Variants in SZT2 observed in about 807,000 individuals in gnomAD.
SZT2 encodes the protein KICSTOR complex protein SZT2.
Under a neutral mutation model 404.2 loss-of-function variants are expected in SZT2, and 216 were observed. That is an observed-to-expected ratio of 0.53 (90% CI 0.48 to 0.60). SZT2 has a LOEUF of 0.60. SZT2 is among the 20% of genes least tolerant of loss of function. SZT2 has a pLI of 0.00. For synonymous variants in SZT2, 1,693 were observed against 1,749.9 expected, an observed-to-expected ratio of 0.97 and a Z score of 0.81; for missense variants, 3,857 against 4,459.2, an observed-to-expected ratio of 0.86 and a Z score of 3.85.
chr1:43,437,978 C>G lies in SZT2; in HGVS notation c.6508+76C>G. The stretch of plus-strand genomic sequence containing the variant: ...CTCTGGGACTTCTCTTAGAACCTTG[C>G]AAGCATTACACTAGAAGTTATGTAA... On this transcript the variant is annotated intron_variant, in intron 46 of 71. Coordinates refer to ENST00000634258, the MANE Select transcript of SZT2 (RefSeq NM_001365999.1). This position sits in a 1 kb window ranked among gnomAD's most constrained non-coding sequence, Gnocchi z 5.3. 1 of 1,410,438 alleles carries G rather than the reference C, an allele frequency of 7.1e-7. No homozygotes were observed. Among genetic ancestry groups the G allele is most frequent in the East Asian group, 2.3e-5 (1 of 43,768 alleles). 87.4% of individuals were successfully genotyped at this position (1,410,438 alleles called of 1,614,324 possible).
At chr1:43,415,903 A>G (rs960843833) in intron 5 of SZT2, 57 bp from the exon 6 acceptor site, 86 of 1,543,386 alleles carry the variant, frequency 5.6e-5, no homozygotes, top group Non-Finnish European at 7.3e-5. Context: ...TGGCTTTGCT[A>G]TGGATGGGGC....
rs750592975 is a variant in SZT2, at chr1:43,421,318, A to G, written c.1626+15A>G. 6 of 1,597,534 alleles carry G rather than the reference A, an allele frequency of 3.8e-6. No individual in the cohort carries two copies. In the Admixed American group the frequency reaches 8.3e-5, roughly 22 times the overall value. ...CCACCACCCCGGTGAGTAGCTCTGA[A>G]GTATAGTAGCCCCATTTCATGTCAA... On this transcript the variant is annotated intron_variant, in intron 11 of 71. Coordinates refer to ENST00000634258, the MANE Select transcript of SZT2 (RefSeq NM_001365999.1).
At chr1:43,429,011 T>G in intron 28 of SZT2, 1 of 161,242 alleles carries the variant, frequency 6.2e-6, no homozygotes, top group Non-Finnish European at 1.4e-5. Flanking sequence ...AGGATGGATA[T>G]GCTGATGACT....
intron 1 of SZT2, among the ~76,000 whole-genome samples, chr1:43,402,828 T>A (rs1250737708): frequency 2.0e-5 from 3 of 152,184 alleles, no homozygotes; most frequent in Non-Finnish European, 4.4e-5. Context: ...TGGTATTTGC[T>A]CTGTTTGTAG....
chr1:43,434,022 T>C (rs1481953807), intron 40 of SZT2, among the ~76,000 whole-genome samples: 1 of 152,106 alleles, frequency 6.6e-6, no homozygotes, highest in Non-Finnish European at 1.5e-5. Flanking sequence ...CTCGGGTGGG[T>C]GGCATATGCA....
intron 4 of SZT2, among the ~76,000 whole-genome samples, chr1:43,408,603 G>T (rs1650626279): frequency 6.6e-6 from 1 of 151,988 alleles, no homozygotes; most frequent in South Asian, 2.1e-4. Flanking sequence ...CATATAGTAT[G>T]GGCATTCTTG....
In SZT2 at chr1:43,450,023, C is replaced by G; in HGVS notation, c.10087-80C>G. 1 of 1,561,814 alleles carries G rather than the reference C, an allele frequency of 6.4e-7. No homozygotes were observed. Among genetic ancestry groups the G allele is most frequent in the East Asian group, 2.2e-5 (1 of 44,586 alleles). On this transcript the variant is annotated intron_variant, in intron 70 of 71. Transcript: ENST00000634258. This position sits in a 1 kb window ranked among gnomAD's most constrained non-coding sequence, Gnocchi z 4.3. Reference sequence around the variant, plus strand: ...GAGGTGTGGAGATGGAAGTAGGCCTCTCCTCATCCTCCCTTCACCTCAGGA... The same window carrying G: ...GAGGTGTGGAGATGGAAGTAGGCCTGTCCTCATCCTCCCTTCACCTCAGGA...
chr1:43,451,294 A>G lies in SZT2; in HGVS notation c.*814A>G, dbSNP rs1469457611. 6.2e-7 allele frequency: 1 copy of G among 1,613,980 alleles called. No individual in the cohort carries two copies. Among genetic ancestry groups the G allele is most frequent in the East Asian group, 2.2e-5 (1 of 44,868 alleles). Reference sequence around the variant, plus strand: ...TCCCAGTATGAACGTAGCCAACTCAAGCCCTCTACTGTGTCTCCTGCAGGG... The same window carrying G: ...TCCCAGTATGAACGTAGCCAACTCAGGCCCTCTACTGTGTCTCCTGCAGGG... On this transcript the variant is annotated 3_prime_UTR_variant, in exon 72 of 72. Transcript: ENST00000634258.
Position 43,441,661 on chromosome 1 carries a change from C to T in SZT2, c.7610-25C>T, listed in dbSNP as rs1553153686. 6.2e-7 allele frequency: 1 copy of T among 1,614,082 alleles called. No homozygotes were observed. Among genetic ancestry groups the T allele is most frequent in the South Asian group, 1.1e-5 (1 of 91,084 alleles). On this transcript the variant is annotated intron_variant, in intron 54 of 71. Coordinates refer to ENST00000634258, the MANE Select transcript of SZT2 (RefSeq NM_001365999.1). The surrounding 1 kb of genome is among the most constrained non-coding windows in gnomAD (Gnocchi z 4.8). ...CCAGCCTGGTCTCCATCCTGCAGCT[C>T]CACAGTGACTCCTCTGCCTCCTAGG...
At position 43,454,072 on chromosome 1, in the gene SZT2, A is replaced by C. The variant is rs1050413237; in HGVS notation, c.*3592A>C. 8.0e-6 allele frequency: 9 copies of C among 1,118,198 alleles called. No homozygotes were observed. The African/African-American group carries it at 1.5e-4, about 18-fold the overall frequency. 69.3% of individuals were successfully genotyped at this position (1,118,198 alleles called of 1,614,324 possible). A position where few individuals can be genotyped will look rare whatever the true frequency, so the allele number is the denominator to read the frequency against. ...GGAGAAGGTAGGGAGGCCGAGCTCCAGGGCCTGAGAGCCGGACGCGAAGCA... is the reference window on the plus strand; with the variant it reads ...GGAGAAGGTAGGGAGGCCGAGCTCCCGGGCCTGAGAGCCGGACGCGAAGCA... On this transcript the variant is annotated 3_prime_UTR_variant, in exon 72 of 72. Coordinates refer to ENST00000634258, the MANE Select transcript of SZT2 (RefSeq NM_001365999.1).
intron 46 of SZT2, chr1:43,438,332 T>C (rs1478232188): frequency 8.8e-6 from 3 of 340,342 alleles, no homozygotes; most frequent in Non-Finnish European, 1.7e-5. Flanking sequence ...TTGCCCCAGG[T>C]GTCCAGTAGG....
chr1:43,409,574 C>G (rs1650760215), intron 4 of SZT2: 1 of 257,080 alleles, frequency 3.9e-6, no homozygotes, highest in Non-Finnish European at 7.9e-6. Context: ...AGTAAAGTTG[C>G]AAGATACAAA....
At chr1:43,402,892 C>A (rs1394754668) in intron 1 of SZT2, among the ~76,000 whole-genome samples, 3 of 152,154 alleles carry the variant, frequency 2.0e-5, no homozygotes, top group Non-Finnish European at 4.4e-5. Flanking sequence ...CCCCTGCCCT[C>A]AAAAGCTTAT....
Position 43,452,036 on chromosome 1 carries a change from G to A in SZT2, c.*1556G>A. On this transcript the variant is annotated 3_prime_UTR_variant, in exon 72 of 72. Transcript: ENST00000634258. Reference sequence around the variant, plus strand: ...CTCCTAGCAGCATGTCGGGTGCTGTGAATAGAGCTCCTTCCCAAGTTTGTC... The same window carrying A: ...CTCCTAGCAGCATGTCGGGTGCTGTAAATAGAGCTCCTTCCCAAGTTTGTC... The A allele has an allele frequency of 1.9e-6, 3 of 1,590,806 alleles. No individual in the cohort carries two copies. The highest frequency in any genetic ancestry group is 1.1e-5 in the South Asian group (1 of 87,840).
rs1403838406 is a variant in SZT2 at position 43,433,090 on chromosome 1, C to G, written c.5704C>G (p.Pro1902Ala). 4.3e-6 allele frequency: 7 copies of G among 1,614,080 alleles called. No individual in the cohort carries two copies. Among genetic ancestry groups the G allele is most frequent in the South Asian group, 1.1e-5 (1 of 91,084 alleles). Residue 1902 changes from proline (P) to alanine (A), a missense_variant, in exon 40 of 72, where the codon CCA becomes GCA. Pro to Ala is a conservative substitution (Grantham distance 27, BLOSUM62 -1). Transcript: ENST00000634258. ...TLRTPPGPAP[P>A]QPSLSGLPGP... The stretch of plus-strand genomic sequence containing the variant: ...GCGGACTCCACCTGGGCCAGCACCT[C>G]CACAGCCTTCACTCTCAGGCCTCCC...
intron 15 of SZT2, among the ~76,000 whole-genome samples, chr1:43,423,592 G>A (rs1186151578): frequency 2.7e-5 from 4 of 150,558 alleles, no homozygotes; most frequent in Non-Finnish European, 5.9e-5. Flanking sequence ...GCTTAGCGGG[G>A]TATGAGTGGT....
rs1648449516 is a variant in SZT2 at position 43,392,127 on chromosome 1, AT to A, written c.27+2133del. On this transcript the variant is annotated intron_variant, in intron 1 of 71. Transcript: ENST00000634258. ...AAAAAAAAAAAAAAAAAAAAAAAAA[AT>A]GAAACAAATGAAATAAAATGTAATT... 3.9e-4 allele frequency among the ~76,000 whole-genome samples: 55 copies of A among 142,078 alleles called. 2 individuals carry two copies. The highest frequency in any genetic ancestry group is 1.6e-3 in the South Asian group (7 of 4,402). The allele number at this position is 142,078 out of a possible 152,430, so 93.2% of individuals were successfully genotyped here. A position where few individuals can be genotyped will look rare whatever the true frequency, so the allele number is the denominator to read the frequency against.
chr1:43,422,655 A>ACCCACCCCCCCCCCCCCCC, intron 13 of SZT2, 23 bp downstream of exon 13: 1 of 1,095,024 alleles, frequency 9.1e-7, no homozygotes, highest in Non-Finnish European at 1.2e-6. Flanking sequence ...ATGTCCCTTC[A>ACCCACCCCCCCCCCCCCCC]CCCCCCGCCC....
In SZT2 at chr1:43,430,807, C is replaced by T. The variant is rs746353156; in HGVS notation, c.4774+18C>T. On this transcript the variant is annotated intron_variant, in intron 32 of 71. Transcript: ENST00000634258. Reference sequence around the variant, plus strand: ...CTGCCTGGGTGAGTTTGAGGCAGCCCGAGGGAAAGCCAAAGGTCCTGGAAC... The same window carrying T: ...CTGCCTGGGTGAGTTTGAGGCAGCCTGAGGGAAAGCCAAAGGTCCTGGAAC... 132 of 1,598,264 alleles carry T rather than the reference C, an allele frequency of 8.3e-5. No homozygotes were observed. Among genetic ancestry groups the T allele is most frequent in the Admixed American group, 1.3e-4 (8 of 59,452 alleles).
Sources: allele counts gnomAD v4.1 joint callset (sites outside exome capture counted in the v4.1 genomes callset), GRCh38; gene constraint gnomAD v4.1.1; non-coding constraint Gnocchi (gnomAD v3.1); transcripts MANE v1.5; gene names NCBI Gene and HGNC (gene_info 2026-07-23, HGNC 2026-07-21).